SHANK2: variants seen among roughly 807,000 people sequenced by gnomAD.
SHANK2 encodes SH3 and multiple ankyrin repeat domains 2, also known as SH3 and multiple ankyrin repeat domains protein 2.
Under a neutral mutation model 133.7 loss-of-function variants are expected in SHANK2, and 43 were observed. That is an observed-to-expected ratio of 0.32 (90% CI 0.25 to 0.41). SHANK2 has a LOEUF of 0.41. SHANK2 is among the 10% of genes least tolerant of loss of function. SHANK2 has a pLI of 1.00. For synonymous variants in SHANK2, 1,017 were observed against 952.8 expected, an observed-to-expected ratio of 1.07 and a Z score of -1.24; for missense variants, 1,994 against 2,235.8, an observed-to-expected ratio of 0.89 and a Z score of 2.18.
intron 17 of SHANK2, among the ~76,000 whole-genome samples, chr11:70,655,740 T>A (rs1386935896): frequency 6.6e-6 from 1 of 152,194 alleles, no homozygotes; most frequent in Non-Finnish European, 1.5e-5. Context: ...ACTAGGAGAT[T>A]AACGCAGCAC....
chr11:70,690,491 T>TG (rs1945259783), intron 15 of SHANK2, among the ~76,000 whole-genome samples: 1 of 34,118 alleles, frequency 2.9e-5, no homozygotes, highest in Non-Finnish European at 5.9e-5. Flanking sequence ...TTCCCATGTT[T>TG]TTTTTTTTTT....
At chr11:70,948,538 A>G (rs1443362635) in intron 10 of SHANK2, among the ~76,000 whole-genome samples, 1 of 152,248 alleles carries the variant, frequency 6.6e-6, no homozygotes, top group Non-Finnish European at 1.5e-5. Context: ...ATGGGAACAC[A>G]GAGTCTGAAT....
intron 12 of SHANK2, among the ~76,000 whole-genome samples, chr11:70,815,467 C>T (rs1020038213): frequency 2.6e-5 from 4 of 152,142 alleles, no homozygotes; most frequent in African/African-American, 9.7e-5. Flanking sequence ...TAACAGCCCT[C>T]ACCTCCCAGC....
intron 17 of SHANK2, among the ~76,000 whole-genome samples, chr11:70,533,100 G>A (rs12794850): frequency 0.19 from 28,861 of 152,118 alleles, 2,939 homozygotes; most frequent in South Asian, 0.26. Flanking sequence ...AGGGGCAATG[G>A]GAGGGACGGC....
At chr11:70,793,098 A>C (rs907061240) in intron 14 of SHANK2, among the ~76,000 whole-genome samples, 48 of 152,222 alleles carry the variant, frequency 3.2e-4, no homozygotes, top group Non-Finnish European at 4.0e-4. Context: ...GAAGAAAAAA[A>C]GAATAATTTG....
intron 2 of SHANK2, among the ~76,000 whole-genome samples, chr11:71,214,541 A>G (rs1217824143): frequency 6.6e-6 from 1 of 152,220 alleles, no homozygotes. Context: ...TTTCCGAAGA[A>G]GTGTCATCTC....
At chr11:70,543,815 G>A (rs1565115506) in intron 17 of SHANK2, among the ~76,000 whole-genome samples, 1 of 152,308 alleles carries the variant, frequency 6.6e-6, no homozygotes, top group African/African-American at 2.4e-5. Context: ...GGCCCATCTT[G>A]TGGGACTGAG....
At chr11:70,622,467 G>A (rs1370867058) in intron 17 of SHANK2, among the ~76,000 whole-genome samples, 2 of 152,288 alleles carry the variant, frequency 1.3e-5, no homozygotes. Flanking sequence ...CAAACTGGGG[G>A]GCTTAAAACA....
At chr11:70,775,898 C>T (rs542331657) in intron 14 of SHANK2, among the ~76,000 whole-genome samples, 14 of 152,344 alleles carry the variant, frequency 9.2e-5, no homozygotes, top group African/African-American at 2.9e-4. Flanking sequence ...TTCAGAGGAG[C>T]CAAAAACAAC....
chr11:70,744,912 C>A (rs1946606704), intron 14 of SHANK2, among the ~76,000 whole-genome samples: 1 of 152,176 alleles, frequency 6.6e-6, no homozygotes, highest in African/African-American at 2.4e-5. Context: ...CAGGTAGCCA[C>A]TTCCCCCAGC....
chr11:70,641,616 G>A (rs369531366), intron 17 of SHANK2, among the ~76,000 whole-genome samples: 3 of 152,210 alleles, frequency 2.0e-5, no homozygotes, highest in South Asian at 2.1e-4. Context: ...AGAGGCGGCC[G>A]AGCCCGGTGA....
chr11:70,609,424 C>T (rs571960669), intron 17 of SHANK2, among the ~76,000 whole-genome samples: 3 of 152,246 alleles, frequency 2.0e-5, no homozygotes, highest in African/African-American at 7.2e-5. Context: ...TCAGAGGTTC[C>T]TCAGTAAGTT....
intron 14 of SHANK2, among the ~76,000 whole-genome samples, chr11:70,746,817 G>GC (rs67800725): frequency 0.01 from 5 of 500 alleles, no homozygotes; most frequent in African/African-American, 0.025. Context: ...CCCCCACACT[G>GC]GGGGAGGGCT....
intron 14 of SHANK2, among the ~76,000 whole-genome samples, chr11:70,782,410 T>C (rs1486956241): frequency 2.0e-5 from 3 of 152,200 alleles, no homozygotes; most frequent in African/African-American, 4.8e-5. Context: ...CTCCCTGGCA[T>C]AGATGGAAGG....
At chr11:70,559,662 T>A (rs2059881619) in intron 17 of SHANK2, among the ~76,000 whole-genome samples, 1 of 152,138 alleles carries the variant, frequency 6.6e-6, no homozygotes, top group Non-Finnish European at 1.5e-5. Context: ...AGAGGGCATC[T>A]GCATCGATCA....
intron 2 of SHANK2, among the ~76,000 whole-genome samples, chr11:71,217,535 C>T (rs927080794): frequency 6.6e-6 from 1 of 151,948 alleles, no homozygotes; most frequent in Non-Finnish European, 1.5e-5. Flanking sequence ...AAAACAGCCT[C>T]AGGCAGGTCT....
At position 70,487,613 on chromosome 11, in the gene SHANK2, C is replaced by G; in HGVS notation, c.2680G>C (p.Val894Leu). 6.2e-7 allele frequency: 1 copy of G among 1,608,868 alleles called. No homozygotes were observed. Among genetic ancestry groups the G allele is most frequent in the Non-Finnish European group, 8.5e-7 (1 of 1,177,598 alleles). Residue 894 changes from valine to leucine, a missense_variant, in exon 25 of 26, where the codon GTG becomes CTG. Val to Leu is a conservative substitution (Grantham distance 32). Transcript: ENST00000601538. This position sits in a 1 kb window ranked among gnomAD's most constrained non-coding sequence, Gnocchi z 5.8. ...SEDIPPPPQS[V>L]PPSPPPPSPT... ...GAAGGTGGTGGTGGGGACGGGGGCA[C>G]AGACTGCGGTGGAGGGGGGATGTCC...
At position 70,472,579 on chromosome 11, in the gene SHANK2, G is replaced by A. The variant is rs1320396009; in HGVS notation, c.*290C>T. ...GGGAGCCTCTCGGACCCGGCAAAGCGAGGCCACCTGCATGCTGGGCGGCAG... is the reference window on the plus strand; with the variant it reads ...GGGAGCCTCTCGGACCCGGCAAAGCAAGGCCACCTGCATGCTGGGCGGCAG... On this transcript the variant is annotated 3_prime_UTR_variant, in exon 26 of 26. Transcript: ENST00000601538. This position sits in a 1 kb window ranked among gnomAD's most constrained non-coding sequence, Gnocchi z 4.4. 2.1e-5 allele frequency: 10 copies of A among 466,788 alleles called. No homozygotes were observed. The highest frequency in any genetic ancestry group is 1.2e-4 in the African/African-American group (6 of 50,684). 28.9% of individuals were successfully genotyped at this position (466,788 alleles called of 1,614,324 possible).
At chr11:71,088,993 A>C (rs965855287) in intron 8 of SHANK2, among the ~76,000 whole-genome samples, 1 of 148,466 alleles carries the variant, frequency 6.7e-6, no homozygotes, top group Non-Finnish European at 1.5e-5. Flanking sequence ...CCTGAACTTG[A>C]CCTTGTGGGT....
Sources: gnomAD v4.1 joint callset for allele counts (sites outside exome capture counted in the v4.1 genomes callset) on GRCh38, gnomAD v4.1.1 for gene constraint, Gnocchi (gnomAD v3.1) non-coding constraint, MANE v1.5 for transcripts, NCBI Gene and HGNC (gene_info 2026-07-23, HGNC 2026-07-21) for gene names.